Variants in CMIP observed in about 807,000 individuals in gnomAD.
The protein encoded by CMIP is c-Maf inducing protein.
CMIP carries 13 observed loss-of-function variants against 97.3 expected under a neutral mutation model. The ratio of observed to expected loss-of-function variants is 0.13; its 90% CI spans 0.09 to 0.21. CMIP has a LOEUF of 0.21. Among genes scored for constraint, CMIP ranks in the 10% least tolerant of loss-of-function variants. The pLI is 1.00. For synonymous variants in CMIP, 538 were observed against 436.3 expected, an observed-to-expected ratio of 1.23 and a Z score of -2.91; for missense variants, 847 against 1,024.9, an observed-to-expected ratio of 0.83 and a Z score of 2.37.
At chr16:81,555,447 T>C (rs972589370) in intron 1 of CMIP, among the ~76,000 whole-genome samples, 1 of 152,064 alleles carries the variant, frequency 6.6e-6, no homozygotes, top group African/African-American at 2.4e-5. Flanking sequence ...ATGGGGACAG[T>C]GAAAGCACAC....
intron 1 of CMIP, among the ~76,000 whole-genome samples, chr16:81,497,652 C>T (rs17777180): frequency 0.38 from 57,718 of 152,124 alleles, 11,126 homozygotes; most frequent in East Asian, 0.48. Context: ...CCTGGGCAGC[C>T]GAGGTCTTGT....
rs915112979 is a variant in CMIP at position 81,621,377 on chromosome 16, G to T, written c.477+451G>T. 1 of 162,816 alleles carries T rather than the reference G, an allele frequency of 6.1e-6. No homozygotes were observed. The highest frequency in any genetic ancestry group is 1.4e-5 in the Non-Finnish European group (1 of 73,350). The allele number at this position is 162,816 out of a possible 1,614,324, so 10.1% of individuals were successfully genotyped here. A position where few individuals can be genotyped will look rare whatever the true frequency, so the allele number is the denominator to read the frequency against. The stretch of plus-strand genomic sequence containing the variant: ...TGATTTTCAGTTGTCGGATTCTGTG[G>T]CCTAATTTTCTGATTCTGGCTCTAC... On this transcript the variant is annotated intron_variant, in intron 3 of 20. Coordinates refer to ENST00000537098, the MANE Select transcript of CMIP (RefSeq NM_198390.3). This position sits in a 1 kb window ranked among gnomAD's most constrained non-coding sequence, Gnocchi z 4.1.
At chr16:81,705,422 C>T (rs1908019282) in intron 18 of CMIP, 77 bp from the exon 19 acceptor site, 4 of 1,080,320 alleles carry the variant, frequency 3.7e-6, no homozygotes, top group Admixed American at 2.1e-5. Flanking sequence ...CATCCCTTTC[C>T]TCCACCTCTG....
chr16:81,643,708 C>G (rs1233985897), intron 3 of CMIP, among the ~76,000 whole-genome samples: 1 of 152,174 alleles, frequency 6.6e-6, no homozygotes, highest in African/African-American at 2.4e-5. Context: ...AGGAGAATCA[C>G]TTGAACCCAG....
At position 81,453,252 on chromosome 16, in the gene CMIP, A is replaced by C. The variant is rs902524157; in HGVS notation, c.300+7711A>C. 4.1e-4 allele frequency among the ~76,000 whole-genome samples: 62 copies of C among 152,280 alleles called. No individual in the cohort carries two copies. The highest frequency in any genetic ancestry group is 1.3e-3 in the African/African-American group (55 of 41,550). On this transcript the variant is annotated intron_variant, in intron 1 of 20. Transcript: ENST00000537098. The surrounding 1 kb of genome is among the most constrained non-coding windows in gnomAD (Gnocchi z 4.0). ...AATGGTAGGGTGGACGGAGCGACTA[A>C]ACTGATTGTGCTGGGCGAACTCTTT...
intron 3 of CMIP, among the ~76,000 whole-genome samples, chr16:81,650,176 C>G (rs149044899): frequency 6.6e-6 from 1 of 152,230 alleles, no homozygotes; most frequent in African/African-American, 2.4e-5. Context: ...GACAACTTGT[C>G]ACGCGTTTCT....
chr16:81,548,816 A>G (rs1187139808), intron 1 of CMIP, among the ~76,000 whole-genome samples: 2 of 152,214 alleles, frequency 1.3e-5, no homozygotes, highest in African/African-American at 4.8e-5. Context: ...GCTGCACTCC[A>G]GCCTGGGTGA....
intron 1 of CMIP, among the ~76,000 whole-genome samples, chr16:81,477,375 C>G (rs527630263): frequency 3.3e-5 from 5 of 152,144 alleles, no homozygotes; most frequent in Non-Finnish European, 7.4e-5. Context: ...TGGCCAGGCT[C>G]GTCTCGAACT....
chr16:81,580,946 C>CCAGCCGCCTGA (rs147806065), intron 1 of CMIP, among the ~76,000 whole-genome samples: 6,374 of 152,150 alleles, frequency 0.042, 453 homozygotes, highest in African/African-American at 0.15. Flanking sequence ...CCCCTCTCTT[C>CCAGCCGCCTGA]CAGCCCCCTG....
chr16:81,504,641 C>CAA (rs149715666), intron 1 of CMIP, among the ~76,000 whole-genome samples: 15,309 of 71,374 alleles, frequency 0.21, 2,093 homozygotes, highest in Non-Finnish European at 0.26. Context: ...AGACTCGTCT[C>CAA]AAAAAAAAAA....
intron 1 of CMIP, among the ~76,000 whole-genome samples, chr16:81,509,636 C>T (rs546146673): frequency 1.3e-5 from 2 of 152,314 alleles, no homozygotes; most frequent in African/African-American, 2.4e-5. Flanking sequence ...CGAGCCAGGG[C>T]GGCCCTAAGC....
Position 81,463,292 on chromosome 16 carries a change from A to G in CMIP, c.300+17751A>G, listed in dbSNP as rs558550408. ...CCGATCTTTAGCCACACCCTAGAGCAAAACGTCACTTAAATGACTAGAGAG... is the reference window on the plus strand; with the variant it reads ...CCGATCTTTAGCCACACCCTAGAGCGAAACGTCACTTAAATGACTAGAGAG... On this transcript the variant is annotated intron_variant, in intron 1 of 20. Coordinates refer to ENST00000537098, the MANE Select transcript of CMIP (RefSeq NM_198390.3). Among the ~76,000 whole-genome samples, 5 of 152,310 alleles carry G rather than the reference A, an allele frequency of 3.3e-5. No individual in the cohort carries two copies. In the South Asian group the frequency reaches 6.2e-4, roughly 19 times the overall value.
chr16:81,637,442 T>G (rs1188646970), intron 3 of CMIP, among the ~76,000 whole-genome samples: 3 of 152,208 alleles, frequency 2.0e-5, no homozygotes, highest in Non-Finnish European at 4.4e-5. Flanking sequence ...ATAGGTGTCA[T>G]TTATCAAGCC....
intron 1 of CMIP, among the ~76,000 whole-genome samples, chr16:81,488,614 C>G (rs1374949444): frequency 3.3e-5 from 5 of 152,174 alleles, no homozygotes; most frequent in African/African-American, 1.2e-4. Flanking sequence ...CCCCCATCCC[C>G]TCTCTGTGTG....
chr16:81,675,977 G>A (rs937800139), intron 9 of CMIP, among the ~76,000 whole-genome samples: 11 of 152,214 alleles, frequency 7.2e-5, no homozygotes, highest in Non-Finnish European at 2.9e-5. Flanking sequence ...TTTATCCTGG[G>A]AACATTGGAG....
At chr16:81,670,621 G>T (rs749269253) in intron 8 of CMIP, among the ~76,000 whole-genome samples, 483 of 6,754 alleles carry the variant, frequency 0.072, 4 homozygotes, top group Admixed American at 0.15. Flanking sequence ...GGTTTTTTTT[G>T]GGGGGGGGGG....
intron 1 of CMIP, among the ~76,000 whole-genome samples, chr16:81,517,562 G>C (rs2089940941): frequency 6.6e-6 from 1 of 152,152 alleles, no homozygotes. Flanking sequence ...AGGGGATTTT[G>C]TTGCTTTTCA....
intron 13 of CMIP, chr16:81,695,401 C>T (rs528695670): frequency 1.3e-5 from 2 of 152,364 alleles, no homozygotes; most frequent in African/African-American, 4.8e-5. Flanking sequence ...ATTCTTCCAG[C>T]TCAGAGGGAA....
chr16:81,519,646 C>T (rs747557443), intron 1 of CMIP: 1 of 152,218 alleles, frequency 6.6e-6, no homozygotes, highest in Admixed American at 6.5e-5. Flanking sequence ...GAAATTGAGC[C>T]TCAGTTTCCT....
Sources: allele counts gnomAD v4.1 joint callset (sites outside exome capture counted in the v4.1 genomes callset), GRCh38; gene constraint gnomAD v4.1.1; non-coding constraint Gnocchi (gnomAD v3.1); transcripts MANE v1.5; gene names NCBI Gene and HGNC (gene_info 2026-07-23, HGNC 2026-07-21).